The following PTPRD variants were observed in gnomAD, a reference collection of about 807,000 sequenced individuals.
PTPRD encodes protein tyrosine phosphatase receptor type D.
PTPRD carries 34 observed loss-of-function variants against 214.5 expected under a neutral mutation model. The observed-to-expected ratio is 0.16, with a 90% CI of 0.12 to 0.21. The LOEUF (loss-of-function observed/expected upper bound fraction) is 0.21, where lower values mean the gene tolerates loss of function less well. Among genes scored for constraint, PTPRD ranks in the 10% least tolerant of loss-of-function variants. The pLI is 1.00. For synonymous variants in PTPRD, 1,128 were observed against 845.7 expected, an observed-to-expected ratio of 1.33 and a Z score of -5.79; for missense variants, 2,545 against 2,398.7, an observed-to-expected ratio of 1.06 and a Z score of -1.27.
chr9:9,262,691 C>T (rs1413262129), intron 9 of PTPRD, among the ~76,000 whole-genome samples: 1 of 151,578 alleles, frequency 6.6e-6, no homozygotes, highest in East Asian at 2.0e-4. Flanking sequence ...ACAGAAAAAT[C>T]AGAGGTTCTT....
chr9:8,775,794 G>A (rs1191211134), intron 11 of PTPRD, among the ~76,000 whole-genome samples: 4 of 150,562 alleles, frequency 2.7e-5, no homozygotes, highest in Non-Finnish European at 1.5e-5. Flanking sequence ...GACCAGCCTG[G>A]ACAACATACT....
At chr9:9,571,800 T>C (rs917282171) in intron 8 of PTPRD, among the ~76,000 whole-genome samples, 1 of 151,110 alleles carries the variant, frequency 6.6e-6, no homozygotes, top group African/African-American at 2.4e-5. Context: ...TACATATCAA[T>C]GTATTAATAT....
intron 5 of PTPRD, among the ~76,000 whole-genome samples, chr9:9,788,324 G>A (rs901016565): frequency 3.3e-5 from 5 of 151,030 alleles, no homozygotes; most frequent in African/African-American, 2.4e-5. Flanking sequence ...GGCCGAGGTG[G>A]GTGGATCACG....
At chr9:10,350,972 G>C (rs1204610118) in intron 2 of PTPRD, among the ~76,000 whole-genome samples, 1 of 152,150 alleles carries the variant, frequency 6.6e-6, no homozygotes, top group Non-Finnish European at 1.5e-5. Flanking sequence ...GATAATAGCA[G>C]AGAAGAGATG....
intron 12 of PTPRD, among the ~76,000 whole-genome samples, chr9:8,681,961 A>C (rs2097559081): frequency 6.6e-6 from 1 of 152,204 alleles, no homozygotes; most frequent in Non-Finnish European, 1.5e-5. Context: ...AAGACAATGG[A>C]AATCTCCAAA....
At chr9:8,888,494 A>G (rs2098510389) in intron 11 of PTPRD, among the ~76,000 whole-genome samples, 1 of 152,192 alleles carries the variant, frequency 6.6e-6, no homozygotes, top group East Asian at 1.9e-4. Context: ...TAGATTTTAG[A>G]CAAAGAAAAC....
intron 3 of PTPRD, among the ~76,000 whole-genome samples, chr9:10,316,620 T>C (rs977788277): frequency 6.6e-6 from 1 of 152,010 alleles, no homozygotes; most frequent in African/African-American, 2.4e-5. Context: ...AAGCCAGCTT[T>C]ATAGTGAATC....
chr9:8,498,409 G>A (rs928401251), intron 25 of PTPRD, among the ~76,000 whole-genome samples: 4 of 152,070 alleles, frequency 2.6e-5, no homozygotes, highest in Admixed American at 2.6e-4. Context: ...CCTAGTAGCT[G>A]GGACCACACA....
intron 33 of PTPRD, among the ~76,000 whole-genome samples, chr9:8,454,294 A>T (rs551279435): frequency 4.9e-4 from 74 of 152,360 alleles, no homozygotes; most frequent in Non-Finnish European, 8.7e-4. Context: ...CAACACACAC[A>T]AATGCCCATT....
At chr9:10,115,867 G>A (rs1398371133) in intron 3 of PTPRD, among the ~76,000 whole-genome samples, 3 of 152,026 alleles carry the variant, frequency 2.0e-5, no homozygotes, top group African/African-American at 7.2e-5. Context: ...ATGTATGTGT[G>A]TATCCCAAAT....
intron 3 of PTPRD, among the ~76,000 whole-genome samples, chr9:10,216,635 T>A (rs530716667): frequency 6.6e-6 from 1 of 152,128 alleles, no homozygotes; most frequent in Admixed American, 6.6e-5. Flanking sequence ...AATCCACAAA[T>A]GTTATAGATG....
chr9:10,297,017 T>C (rs947343553), intron 3 of PTPRD, among the ~76,000 whole-genome samples: 4 of 151,028 alleles, frequency 2.6e-5, no homozygotes, highest in Non-Finnish European at 4.4e-5. Flanking sequence ...TACTTTTTGA[T>C]TGATAAGCCC....
rs1366066975 is a variant in PTPRD at position 9,905,654 on chromosome 9, CAAGAT to C, written c.-368+32848_-368+32852del. Among the ~76,000 whole-genome samples the C allele has an allele frequency of 2.6e-5, 4 of 151,922 alleles. No homozygotes were observed. In the East Asian group the frequency reaches 7.7e-4, roughly 29 times the overall value. Reference sequence around the variant, plus strand: ...ATGCTATAAAACTCAGCACAAAACCCAAGATATCATGTAATTAAATTTCCTACTGC... The same window carrying C: ...ATGCTATAAAACTCAGCACAAAACCCATCATGTAATTAAATTTCCTACTGC... On this transcript the variant is annotated intron_variant, in intron 5 of 45. Coordinates refer to ENST00000381196, the MANE Select transcript of PTPRD (RefSeq NM_002839.4).
At chr9:9,831,517 T>A (rs1305596624) in intron 5 of PTPRD, among the ~76,000 whole-genome samples, 1 of 151,922 alleles carries the variant, frequency 6.6e-6, no homozygotes, top group Admixed American at 6.6e-5. Flanking sequence ...CTTTTATAAC[T>A]TGTCTGATAG....
At chr9:9,427,017 A>G (rs1052674743) in intron 8 of PTPRD, among the ~76,000 whole-genome samples, 3 of 152,248 alleles carry the variant, frequency 2.0e-5, no homozygotes, top group Non-Finnish European at 4.4e-5. Context: ...CTCCAAAGGA[A>G]TGTAGCTCCT....
chr9:9,161,396 T>A (rs557631934), intron 10 of PTPRD, among the ~76,000 whole-genome samples: 2 of 152,134 alleles, frequency 1.3e-5, no homozygotes, highest in African/African-American at 4.8e-5. Context: ...TTCTTTTTCA[T>A]ATATGGGGCA....
chr9:9,227,955 T>C (rs967185868), intron 9 of PTPRD, among the ~76,000 whole-genome samples: 1 of 152,140 alleles, frequency 6.6e-6, no homozygotes, highest in Admixed American at 6.6e-5. Context: ...TGGTGGTAAT[T>C]TGTTATTCAG....
intron 11 of PTPRD, among the ~76,000 whole-genome samples, chr9:8,891,166 C>G (rs1026889191): frequency 3.7e-5 from 4 of 107,086 alleles, no homozygotes; most frequent in Non-Finnish European, 5.6e-5. Context: ...CTGAGTCTCC[C>G]TCTGTTACCC....
chr9:10,326,320 G>T (rs2096642586), intron 3 of PTPRD, among the ~76,000 whole-genome samples: 1 of 151,708 alleles, frequency 6.6e-6, no homozygotes, highest in South Asian at 2.1e-4. Context: ...ACTATACACA[G>T]AAGGCTATGT....
Sources: allele counts gnomAD v4.1 joint callset (sites outside exome capture counted in the v4.1 genomes callset), GRCh38; gene constraint gnomAD v4.1.1; transcripts MANE v1.5; gene names NCBI Gene and HGNC (gene_info 2026-07-23, HGNC 2026-07-21).